The following CLCNKB variants were observed in gnomAD, a reference collection of about 807,000 sequenced individuals.
CLCNKB encodes chloride channel protein ClC-Kb.
In CLCNKB, 74 loss-of-function variants were observed where a neutral mutation model predicts 83.8. The ratio of observed to expected loss-of-function variants is 0.88; its 90% CI spans 0.73 to 1.07. The LOEUF (loss-of-function observed/expected upper bound fraction) is 1.07. Among genes scored for constraint, CLCNKB ranks in the 50% least tolerant of loss-of-function variants. The pLI, the probability that CLCNKB is intolerant of heterozygous loss-of-function variation, is 0.00. For synonymous variants in CLCNKB, 358 were observed against 356.6 expected, an observed-to-expected ratio of 1.00 and a Z score of -0.04; for missense variants, 798 against 893.6, an observed-to-expected ratio of 0.89 and a Z score of 1.36.
chr1:16,051,731 T>C lies in CLCNKB; in HGVS notation c.1319T>C (p.Phe440Ser), dbSNP rs1425995725. ...CCAGGAGCTGCTATCGGGCGCCTCT[T>C]TGGGGAGACTCTCTCTTTTATCTTC... ...FVYGAAIGRLFGETLSFIFPE... is the reference protein window; with the variant it reads ...FVYGAAIGRLSGETLSFIFPE... The change falls in exon 14 of 20, where the codon TTT becomes TCT. Residue 440 changes from phenylalanine (F) to serine (S), a missense_variant. Physicochemically the swap from Phe to Ser is radical, Grantham distance 155 (BLOSUM62 -2). Coordinates refer to ENST00000375679, the MANE Select transcript of CLCNKB (RefSeq NM_000085.5). 2 of 1,613,718 alleles carry C rather than the reference T, an allele frequency of 1.2e-6. No homozygotes were observed. The highest frequency in any genetic ancestry group is 2.2e-5 in the East Asian group (1 of 44,880).
At position 16,056,437 on chromosome 1, in the gene CLCNKB, G is replaced by A. The variant is rs1265392945; in HGVS notation, c.1945G>A (p.Glu649Lys). Residue 649 changes from glutamate (E) to lysine (K), a missense_variant, in exon 19 of 20, where the codon GAG becomes AAG. Glu to Lys is a moderately conservative substitution (Grantham distance 56, BLOSUM62 1). Transcript: ENST00000375679. ...TSLHEAHNLF[E>K]LLNLHSLFVT... ...CCCCATCCAGGCACACAACCTCTTT[G>A]AGCTGTTGAACCTTCATTCCCTCTT... The A allele has an allele frequency of 3.1e-6, 5 of 1,614,078 alleles. No individual in the cohort carries two copies. The highest frequency in any genetic ancestry group is 2.5e-6 in the Non-Finnish European group (3 of 1,180,000).
At chr1:16,047,366 C>G (rs7366864) in intron 4 of CLCNKB, among the ~76,000 whole-genome samples, 126,975 of 152,010 alleles carry the variant, frequency 0.84, 55,172 homozygotes, top group East Asian at 1. Context: ...GACTGCTTGA[C>G]CTGGGGAATT....
rs1235162852 is a variant in CLCNKB, at chr1:16,048,230, C to T, written c.499-113C>T. 3.4e-6 allele frequency: 5 copies of T among 1,478,682 alleles called. No individual in the cohort carries two copies. In the East Asian group the frequency reaches 1.2e-4, roughly 35 times the overall value. 91.6% of individuals were successfully genotyped at this position (1,478,682 alleles called of 1,614,324 possible). On this transcript the variant is annotated intron_variant, in intron 5 of 19. Transcript: ENST00000375679. ...GTGACAAAAGCCATCTGAGGACGGCCGTGGGGGCTTGGGAGATGGAGGAGG... is the reference window on the plus strand; with the variant it reads ...GTGACAAAAGCCATCTGAGGACGGCTGTGGGGGCTTGGGAGATGGAGGAGG...
At position 16,057,174 on chromosome 1, in the gene CLCNKB, T is replaced by A. The variant is rs2124117827; in HGVS notation, c.*258T>A. 1 of 688,120 alleles carries A rather than the reference T, an allele frequency of 1.5e-6. No homozygotes were observed. Among genetic ancestry groups the A allele is most frequent in the African/African-American group, 1.8e-5 (1 of 56,726 alleles). The allele number at this position is 688,120 out of a possible 1,614,324, so 42.6% of individuals were successfully genotyped here. A position where few individuals can be genotyped will look rare whatever the true frequency, so the allele number is the denominator to read the frequency against. ...AGATGGAAAACCAGTATCTGCCAGT[T>A]GCTCAGTGACTGGCCATCACATTAA... On this transcript the variant is annotated 3_prime_UTR_variant, in exon 20 of 20. Coordinates refer to ENST00000375679, the MANE Select transcript of CLCNKB (RefSeq NM_000085.5).
chr1:16,055,555 C>CGGGG, intron 17 of CLCNKB, 32 bp downstream of exon 17: 1 of 697,174 alleles, frequency 1.4e-6, no homozygotes, highest in Non-Finnish European at 2.5e-6. Context: ...GGGGATGGGG[C>CGGGG]GGGGGTGGGT....
At chr1:16,049,313 C>A in intron 8 of CLCNKB, 68 bp downstream of exon 8, 3 of 1,601,458 alleles carry the variant, frequency 1.9e-6, no homozygotes, top group Non-Finnish European at 2.6e-6. Flanking sequence ...CTCCCTTCTC[C>A]CCTGTGTACA....
intron 3 of CLCNKB, 83 bp downstream of exon 3, chr1:16,045,769 CAG>C: frequency 1.9e-6 from 2 of 1,030,112 alleles, no homozygotes; most frequent in Non-Finnish European, 2.8e-6. Context: ...TCGCCAGGTG[CAG>C]CGGAGGTTGG....
At chr1:16,045,444 C>A in intron 2 of CLCNKB, 114 bp from the exon 3 acceptor site, 1 of 1,319,358 alleles carries the variant, frequency 7.6e-7, no homozygotes, top group Non-Finnish European at 1.1e-6. Flanking sequence ...AGTATACCAC[C>A]AAGCTCCATC....
chr1:16,049,230 T>G lies in CLCNKB; in HGVS notation c.766T>G (p.Phe256Val). 1 of 1,613,874 alleles carries G rather than the reference T, an allele frequency of 6.2e-7. No homozygotes were observed. Among genetic ancestry groups the G allele is most frequent in the Non-Finnish European group, 8.5e-7 (1 of 1,179,960 alleles). The change falls in exon 8 of 20, where the codon TTC becomes GTC. Residue 256 changes from phenylalanine (F) to valine (V), a missense_variant. Coordinates refer to ENST00000375679, the MANE Select transcript of CLCNKB (RefSeq NM_000085.5). The part of the protein sequence containing the change: ...GAFMFRLLAV[F>V]NSEQETITSL... The stretch of plus-strand genomic sequence containing the variant: ...CTTCATGTTCCGGCTCCTGGCGGTC[T>G]TCAACAGCGAGCAGGGTGAGCCCCC...
Position 16,051,720 on chromosome 1 carries a change from C to T in CLCNKB, c.1308C>T (p.Ile436=), listed in dbSNP as rs5252. The T allele has an allele frequency of 0.11, 182,827 of 1,612,096 alleles. 11,777 individuals are homozygous for T. The highest frequency in any genetic ancestry group is 0.22 in the African/African-American group (16,313 of 74,842). The stretch of plus-strand genomic sequence containing the variant: ...TAAGTCTGTGGCCAGGAGCTGCTAT[C>T]GGGCGCCTCTTTGGGGAGACTCTCT... ...FMPIFVYGAA[I]GRLFGETLSF... The change falls in exon 14 of 20, where the codon ATC becomes ATT. Residue 436 remains isoleucine (I), a synonymous_variant. Coordinates refer to ENST00000375679, the MANE Select transcript of CLCNKB (RefSeq NM_000085.5).
intron 15 of CLCNKB, among the ~76,000 whole-genome samples, chr1:16,053,181 C>A (rs569505315): frequency 1.4e-4 from 21 of 152,124 alleles, no homozygotes; most frequent in Non-Finnish European, 2.4e-4. Context: ...GCATGTGCCA[C>A]CATGCCCAGA....
intron 7 of CLCNKB, 63 bp downstream of exon 7, chr1:16,048,645 C>T (rs1253622946): frequency 1.5e-5 from 24 of 1,601,508 alleles, no homozygotes; most frequent in East Asian, 1.3e-4. Flanking sequence ...ACCCTGGGCT[C>T]CTTCGGCCCA....
At chr1:16,052,536 C>T (rs2023328418) in intron 15 of CLCNKB, 125 bp downstream of exon 15, 2 of 1,105,724 alleles carry the variant, frequency 1.8e-6, no homozygotes, top group South Asian at 1.4e-5. Context: ...TGACACACAG[C>T]TGTGCTCTGT....
intron 3 of CLCNKB, 97 bp from the exon 4 acceptor site, chr1:16,046,438 G>A (rs1156972655): frequency 1.2e-5 from 19 of 1,550,672 alleles, no homozygotes; most frequent in East Asian, 4.6e-5. Flanking sequence ...TCCCCTCTTC[G>A]TGACTCCATT....
chr1:16,047,877 C>T, intron 4 of CLCNKB, 28 bp from the exon 5 acceptor site: 1 of 1,612,078 alleles, frequency 6.2e-7, no homozygotes, highest in South Asian at 1.1e-5. Context: ...AGATTGTCCC[C>T]CTCCTGGCCC....
At chr1:16,048,952 C>A in intron 7 of CLCNKB, 168 bp from the exon 8 acceptor site, 1 of 1,499,826 alleles carries the variant, frequency 6.7e-7, no homozygotes. Flanking sequence ...GGGCAGCGGG[C>A]TCCTCCCCGC....
At chr1:16,054,281 G>A (rs77186099) in intron 16 of CLCNKB, among the ~76,000 whole-genome samples, 2,770 of 152,238 alleles carry the variant, frequency 0.018, 88 homozygotes, top group African/African-American at 0.062. Context: ...CGGGGTTGGG[G>A]GGTAACCCTG....
At chr1:16,048,826 C>A in intron 7 of CLCNKB, 1 of 1,442,954 alleles carries the variant, frequency 6.9e-7, no homozygotes, top group African/African-American at 1.4e-5. Flanking sequence ...CCACGTATGA[C>A]CCTGGCCCGT....
Position 16,051,701 on chromosome 1 carries a change from T to A in CLCNKB, c.1298-9T>A. 6.2e-7 allele frequency: 1 copy of A among 1,612,762 alleles called. No homozygotes were observed. The highest frequency in any genetic ancestry group is 2.2e-5 in the East Asian group (1 of 44,844). On this transcript the variant is annotated splice_polypyrimidine_tract_variant and intron_variant, in intron 13 of 19. Transcript: ENST00000375679. ...GCCTGGCTCCCCCTCACCCTAAGTC[T>A]GTGGCCAGGAGCTGCTATCGGGCGC... is the stretch of plus-strand genomic sequence containing the variant.
Sources: allele counts gnomAD v4.1 joint callset (sites outside exome capture counted in the v4.1 genomes callset), GRCh38; gene constraint gnomAD v4.1.1; transcripts MANE v1.5; gene names NCBI Gene and HGNC (gene_info 2026-07-23, HGNC 2026-07-21).